ADAM32: variants seen among roughly 807,000 people sequenced by gnomAD.
ADAM32 encodes ADAM metallopeptidase domain 32, also known as disintegrin and metalloproteinase domain-containing protein 32.
Under a neutral mutation model 114.9 loss-of-function variants are expected in ADAM32, and 89 were observed. That is an observed-to-expected ratio of 0.77 (90% CI 0.65 to 0.92). The LOEUF (loss-of-function observed/expected upper bound fraction) is 0.92, where lower values mean the gene tolerates loss of function less well. Among genes scored for constraint, ADAM32 ranks in the 40% least tolerant of loss-of-function variants. The pLI, the probability that ADAM32 is intolerant of heterozygous loss-of-function variation, is 0.00. For synonymous variants in ADAM32, 285 were observed against 307.5 expected (o/e 0.93, Z 0.77); for missense variants, 870 against 932.8 (o/e 0.93, Z 0.88).
At chr8:39,260,800 T>C (rs1811972435) in intron 19 of ADAM32, among the ~76,000 whole-genome samples, 1 of 152,166 alleles carries the variant, frequency 6.6e-6, no homozygotes, top group Non-Finnish European at 1.5e-5. Flanking sequence ...CTTCAGTTTT[T>C]TGGAGGAGTC....
intron 1 of ADAM32, among the ~76,000 whole-genome samples, chr8:39,115,504 A>C (rs572744666): frequency 6.6e-5 from 10 of 151,982 alleles, no homozygotes; most frequent in African/African-American, 2.4e-4. Context: ...TCATTTTTCT[A>C]ATGATAAGTT....
intron 7 of ADAM32, among the ~76,000 whole-genome samples, chr8:39,161,258 T>G (rs555698152): frequency 6.6e-6 from 1 of 152,348 alleles, no homozygotes; most frequent in African/African-American, 2.4e-5. Flanking sequence ...TAATGGTGAT[T>G]TTGGTGGAAG....
chr8:39,237,735 C>G (rs879597552), intron 16 of ADAM32, among the ~76,000 whole-genome samples: 29 of 151,394 alleles, frequency 1.9e-4, no homozygotes, highest in Admixed American at 5.9e-4. Flanking sequence ...AAGCCCTACC[C>G]AAGGAGAGTT....
In ADAM32 at chr8:39,221,661, G is replaced by A. The variant is rs778956195; in HGVS notation, c.1285G>A (p.Gly429Arg). 1.4e-5 allele frequency: 22 copies of A among 1,612,044 alleles called. No individual in the cohort carries two copies. Among genetic ancestry groups the A allele is most frequent in the South Asian group, 8.8e-5 (8 of 90,892 alleles). Residue 429 changes from glycine to arginine, a missense_variant, in exon 13 of 25, where the codon GGA becomes AGA. Physicochemically the swap from Gly to Arg is moderately radical, Grantham distance 125. Transcript: ENST00000379907. Reference protein sequence around the residue: ...CDFRTCVLKDGAKCYKGLCCK... With the variant: ...CDFRTCVLKDRAKCYKGLCCK... The stretch of plus-strand genomic sequence containing the variant: ...TTTTCGAACTTGTGTACTGAAAGAC[G>A]GAGCAAAATGTTATAAAGGACTGTG...
At chr8:39,138,802 G>T (rs1315733885) in intron 3 of ADAM32, among the ~76,000 whole-genome samples, 1 of 152,080 alleles carries the variant, frequency 6.6e-6, no homozygotes, top group East Asian at 1.9e-4. Flanking sequence ...AGTGTAAAAG[G>T]GTTGCTATTT....
rs192645299 is a variant in ADAM32 at position 39,275,943 on chromosome 8, A to G, written c.2279+77A>G. 70 of 1,360,598 alleles carry G rather than the reference A, an allele frequency of 5.1e-5. 1 individual carries two copies. In the Admixed American group the frequency reaches 1.6e-3, roughly 31 times the overall value. The allele number at this position is 1,360,598 out of a possible 1,614,324, so 84.3% of individuals were successfully genotyped here. On this transcript the variant is annotated intron_variant, in intron 22 of 24. Transcript: ENST00000379907. ...TGAGATGAACAAATTGATAATTAAC[A>G]ATTACTTGCTAACTATTAACTGAGT...
chr8:39,172,072 A>AATAAAT (rs149174782), intron 10 of ADAM32, among the ~76,000 whole-genome samples: 2,516 of 151,740 alleles, frequency 0.017, 26 homozygotes, highest in East Asian at 0.043. Context: ...TGAATAAAGA[A>AATAAAT]ATAAATATTT....
At chr8:39,241,940 TG>T (rs796689206) in intron 16 of ADAM32, among the ~76,000 whole-genome samples, 10 of 152,388 alleles carry the variant, frequency 6.6e-5, no homozygotes, top group African/African-American at 2.4e-4. Context: ...TTTTGTGATC[TG>T]TTTCCCTTTT....
chr8:39,150,807 C>T (rs1191039412), intron 5 of ADAM32, among the ~76,000 whole-genome samples: 1 of 152,124 alleles, frequency 6.6e-6, no homozygotes, highest in African/African-American at 2.4e-5. Flanking sequence ...CTTTTAATTT[C>T]TTATTCAGAC....
intron 19 of ADAM32, among the ~76,000 whole-genome samples, chr8:39,262,690 C>G (rs1049190288): frequency 6.6e-6 from 1 of 150,590 alleles, no homozygotes; most frequent in Non-Finnish European, 1.5e-5. Context: ...TCTTTCACTC[C>G]CTCTCTCTCC....
In ADAM32 at chr8:39,223,383, A is replaced by T. The variant is rs574910709; in HGVS notation, c.1525+145A>T. On this transcript the variant is annotated intron_variant, in intron 14 of 24. Coordinates refer to ENST00000379907, the MANE Select transcript of ADAM32 (RefSeq NM_145004.7). ...ATATTGTTTATATATATTTTATTAT[A>T]TATATAAGCAGAATGTTTTATATAG... 5 of 386,326 alleles carry T rather than the reference A, an allele frequency of 1.3e-5. No homozygotes were observed. The South Asian group carries it at 6.3e-4, about 49-fold the overall frequency. The allele number at this position is 386,326 out of a possible 1,614,324, so 23.9% of individuals were successfully genotyped here. A position where few individuals can be genotyped will look rare whatever the true frequency, so the allele number is the denominator to read the frequency against.
At chr8:39,216,773 GT>G (rs961819874) in intron 12 of ADAM32, among the ~76,000 whole-genome samples, 4 of 151,478 alleles carry the variant, frequency 2.6e-5, no homozygotes, top group African/African-American at 7.3e-5. Context: ...TCAACTTTTT[GT>G]TTTTTCTATT....
chr8:39,134,557 G>C (rs1588492323), intron 2 of ADAM32, among the ~76,000 whole-genome samples: 1 of 152,052 alleles, frequency 6.6e-6, no homozygotes, highest in South Asian at 2.1e-4. Context: ...TAGATTCTCT[G>C]TTTGACATGT....
At chr8:39,203,180 A>C (rs1585529744) in intron 11 of ADAM32, among the ~76,000 whole-genome samples, 1 of 152,256 alleles carries the variant, frequency 6.6e-6, no homozygotes. Flanking sequence ...CAAGTCCTGG[A>C]TATCCTTGTT....
At chr8:39,223,734 A>G (rs187583555) in intron 14 of ADAM32, 1 of 152,180 alleles carries the variant, frequency 6.6e-6, no homozygotes, top group African/African-American at 2.4e-5. Context: ...TGTACATTAC[A>G]TCTCTTGAAC....
intron 6 of ADAM32, among the ~76,000 whole-genome samples, chr8:39,154,373 C>T (rs1486595884): frequency 2.0e-5 from 3 of 152,150 alleles, no homozygotes; most frequent in Admixed American, 6.5e-5. Flanking sequence ...ATGAACTCAT[C>T]CTTTTTTATG....
intron 10 of ADAM32, among the ~76,000 whole-genome samples, chr8:39,176,945 C>T (rs1265284827): frequency 3.9e-5 from 6 of 152,030 alleles, no homozygotes; most frequent in African/African-American, 2.4e-5. Flanking sequence ...ATGTAATGCC[C>T]TTCTTTGTCT....
Position 39,183,743 on chromosome 8 carries a change from G to A in ADAM32, c.916-3166G>A, listed in dbSNP as rs369883865. Among the ~76,000 whole-genome samples the A allele has an allele frequency of 9.8e-5, 15 of 152,332 alleles. 1 individual carries two copies. Among genetic ancestry groups the A allele is most frequent in the East Asian group, 5.8e-4 (3 of 5,186 alleles). On this transcript the variant is annotated intron_variant, in intron 10 of 24. Coordinates refer to ENST00000379907, the MANE Select transcript of ADAM32 (RefSeq NM_145004.7). ...GCCAGCCATTACAGTCTTGTATTAA[G>A]CCAGTTGCTTCTGTGTTACAGGACA...
At chr8:39,155,447 G>A (rs1804087531) in intron 6 of ADAM32, among the ~76,000 whole-genome samples, 2 of 152,230 alleles carry the variant, frequency 1.3e-5, no homozygotes, top group Non-Finnish European at 2.9e-5. Flanking sequence ...ATGACATTGA[G>A]AGAGGCCAAA....
Sources: allele counts gnomAD v4.1 joint callset (sites outside exome capture counted in the v4.1 genomes callset), GRCh38; gene constraint gnomAD v4.1.1; transcripts MANE v1.5; gene names NCBI Gene and HGNC (gene_info 2026-07-23, HGNC 2026-07-21).